Variants in C4orf51 observed in about 807,000 individuals in gnomAD.
C4orf51 encodes uncharacterized protein C4orf51.
C4orf51 carries 25 observed loss-of-function variants against 25.2 expected under a neutral mutation model. The ratio of observed to expected loss-of-function variants is 0.99; its 90% CI spans 0.72 to 1.39. The LOEUF (loss-of-function observed/expected upper bound fraction) is 1.39. C4orf51 is among the 40% of genes most tolerant of loss of function. C4orf51 has a pLI of 0.00. For synonymous variants in C4orf51, 100 were observed against 84.5 expected, an observed-to-expected ratio of 1.18 and a Z score of -1.01; for missense variants, 252 against 239.6, an observed-to-expected ratio of 1.05 and a Z score of -0.34.
At chr4:145,683,604 G>A (rs9997808) in intron 1 of C4orf51, among the ~76,000 whole-genome samples, 19,105 of 152,114 alleles carry the variant, frequency 0.13, 1,990 homozygotes, top group African/African-American at 0.28. Flanking sequence ...AAATATAGTC[G>A]ACTGGTCTTT....
chr4:145,748,951 C>T (rs6848231), intron 1 of C4orf51, among the ~76,000 whole-genome samples: 28,954 of 151,596 alleles, frequency 0.19, 3,762 homozygotes, highest in East Asian at 0.68. Context: ...ATATATCCAA[C>T]GCTGAAGGTG....
At chr4:145,700,562 T>A (rs1447957836) in intron 2 of C4orf51, among the ~76,000 whole-genome samples, 1 of 152,130 alleles carries the variant, frequency 6.6e-6, no homozygotes, top group Non-Finnish European at 1.5e-5. Flanking sequence ...ACTTTCAATT[T>A]TTCCATCCTA....
chr4:145,752,334 G>A (rs570568926), intron 1 of C4orf51, among the ~76,000 whole-genome samples: 1 of 152,160 alleles, frequency 6.6e-6, no homozygotes, highest in Non-Finnish European at 1.5e-5. Flanking sequence ...TGCTGGTTAT[G>A]CAGGACCCAA....
At chr4:145,780,323 C>T in the C4orf51 span, among the ~76,000 whole-genome samples, 19 of 152,222 alleles carry the variant, frequency 1.2e-4, no homozygotes, top group African/African-American at 4.6e-4. Context: ...CTTTGCTCTT[C>T]ATTCCAGTTT....
chr4:145,730,639 T>C (rs1732406452), intron 5 of C4orf51, among the ~76,000 whole-genome samples: 1 of 152,044 alleles, frequency 6.6e-6, no homozygotes, highest in Non-Finnish European at 1.5e-5. Context: ...TAAAAAAAAC[T>C]CAGACTCATC....
intron 4 of C4orf51, among the ~76,000 whole-genome samples, chr4:145,729,553 G>T (rs528251397): frequency 6.6e-6 from 1 of 151,986 alleles, no homozygotes; most frequent in African/African-American, 2.4e-5. Context: ...CTCCCTCCTT[G>T]GCCTCCCAAA....
intron 1 of C4orf51, among the ~76,000 whole-genome samples, chr4:145,769,241 C>CTACA (rs948517662): frequency 2.0e-5 from 3 of 150,292 alleles, no homozygotes; most frequent in Non-Finnish European, 4.4e-5. Context: ...TGACTTTAGA[C>CTACA]TACAGACTTC....
At chr4:145,749,489 T>C (rs1733557494) in intron 1 of C4orf51, among the ~76,000 whole-genome samples, 1 of 152,214 alleles carries the variant, frequency 6.6e-6, no homozygotes, top group African/African-American at 2.4e-5. Context: ...CTTCTTTTTT[T>C]TTCATTCCTG....
At chr4:145,774,321 G>A (rs113092990), downstream of C4orf51, among the ~76,000 whole-genome samples, 130 of 152,282 alleles carry the variant, frequency 8.5e-4, no homozygotes, top group African/African-American at 2.9e-3. Flanking sequence ...GAGGCACAAG[G>A]CATGCCAGGA....
chr4:145,699,169 C>T (rs113164627), intron 2 of C4orf51, among the ~76,000 whole-genome samples: 8,592 of 151,750 alleles, frequency 0.057, 374 homozygotes, highest in African/African-American at 0.12. Context: ...TATCTCCCTT[C>T]GCTGACTCTC....
At chr4:145,755,469 C>A (rs1485685110), downstream of C4orf51, among the ~76,000 whole-genome samples, 1 of 152,194 alleles carries the variant, frequency 6.6e-6, no homozygotes. Context: ...GAAAGGAATT[C>A]CAGGGGAATA....
the C4orf51 span, chr4:145,779,272 G>A: frequency 7.0e-7 from 1 of 1,436,724 alleles, no homozygotes. Context: ...GCCATTCCCA[G>A]CACTTCCTGT....
intron 2 of C4orf51, among the ~76,000 whole-genome samples, chr4:145,709,745 G>T (rs1462235751): frequency 6.6e-6 from 1 of 152,148 alleles, no homozygotes; most frequent in Admixed American, 6.5e-5. Context: ...CATTGCATGG[G>T]TTTAGGCTTT....
At chr4:145,780,916 G>A in the C4orf51 span, among the ~76,000 whole-genome samples, 3 of 151,356 alleles carry the variant, frequency 2.0e-5, no homozygotes, top group South Asian at 6.2e-4. Flanking sequence ...AAATGCTCAC[G>A]CTGGGTGCAG....
chr4:145,729,764 AGG>A, intron 4 of C4orf51, 126 bp from the exon 5 acceptor site: 1 of 695,370 alleles, frequency 1.4e-6, no homozygotes, highest in Non-Finnish European at 2.6e-6. Flanking sequence ...GTGGCAGAGG[AGG>A]GGGCTGTGTA....
Position 145,743,915 on chromosome 4 carries a change from A to G in C4orf51, n.168-10292A>G, listed in dbSNP as rs142295089. 6.7e-4 allele frequency among the ~76,000 whole-genome samples: 102 copies of G among 152,314 alleles called. 1 individual carries two copies. The highest frequency in any genetic ancestry group is 1.6e-3 in the African/African-American group (68 of 41,572). On this transcript the variant is annotated intron_variant and non_coding_transcript_variant, in intron 1 of 1. Coordinates refer to the C4orf51 transcript ENST00000508981. The stretch of plus-strand genomic sequence containing the variant: ...TTCTTTAGATTGCAGCTTGCATGCT[A>G]CATCCTCCATAATGCCTCCTCCCAC...
chr4:145,704,188 A>T (rs111771856), intron 2 of C4orf51, among the ~76,000 whole-genome samples: 1 of 152,108 alleles, frequency 6.6e-6, no homozygotes, highest in Non-Finnish European at 1.5e-5. Flanking sequence ...ATAGATGGTA[A>T]ATGTTTCTTT....
chr4:145,691,167 C>T (rs992680497), intron 1 of C4orf51, among the ~76,000 whole-genome samples: 2 of 152,082 alleles, frequency 1.3e-5, no homozygotes, highest in African/African-American at 4.8e-5. Flanking sequence ...GAAAACACAA[C>T]AAGTGGCCAA....
intron 1 of C4orf51, among the ~76,000 whole-genome samples, chr4:145,742,022 G>A (rs775076670): frequency 6.6e-6 from 1 of 152,110 alleles, no homozygotes; most frequent in Non-Finnish European, 1.5e-5. Context: ...ATTTCTTTCA[G>A]TACTAAACTC....
Sources: gnomAD v4.1 joint callset for allele counts (sites outside exome capture counted in the v4.1 genomes callset) on GRCh38, gnomAD v4.1.1 for gene constraint, MANE v1.5 for transcripts, NCBI Gene and HGNC (gene_info 2026-07-23, HGNC 2026-07-21) for gene names.